Variants in SLIT2 observed in about 807,000 individuals in gnomAD.
SLIT2 encodes slit guidance ligand 2.
In SLIT2, 41 loss-of-function variants were observed where a neutral mutation model predicts 185.7. The ratio of observed to expected loss-of-function variants is 0.22; its 90% CI spans 0.17 to 0.29. The LOEUF is 0.29. Among genes scored for constraint, SLIT2 ranks in the 10% least tolerant of loss-of-function variants. The pLI, the probability that SLIT2 is intolerant of heterozygous loss-of-function variation, is 1.00. For synonymous variants in SLIT2, 693 were observed against 680.2 expected, an observed-to-expected ratio of 1.02 and a Z score of -0.29; for missense variants, 1,571 against 1,909.0, an observed-to-expected ratio of 0.82 and a Z score of 3.30.
At chr4:20,436,871 A>G (rs551164787) in intron 4 of SLIT2, among the ~76,000 whole-genome samples, 1 of 152,330 alleles carries the variant, frequency 6.6e-6, no homozygotes, top group Admixed American at 6.5e-5. Flanking sequence ...GTCATGATCA[A>G]TAATACTTAA....
intron 30 of SLIT2, among the ~76,000 whole-genome samples, chr4:20,594,590 G>A (rs181169988): frequency 2.0e-5 from 3 of 152,046 alleles, no homozygotes; most frequent in Admixed American, 2.0e-4. Flanking sequence ...GTCCCCTATA[G>A]GTCCACAGTG....
At chr4:20,523,423 T>G (rs1442751856) in intron 12 of SLIT2, among the ~76,000 whole-genome samples, 1 of 152,178 alleles carries the variant, frequency 6.6e-6, no homozygotes, top group Non-Finnish European at 1.5e-5. Flanking sequence ...AATGATGTCT[T>G]AGAGCATTTT....
chr4:20,554,133 G>A (rs900154656), intron 26 of SLIT2, among the ~76,000 whole-genome samples, 165 bp downstream of exon 26: 1 of 152,188 alleles, frequency 6.6e-6, no homozygotes, highest in Non-Finnish European at 1.5e-5. Flanking sequence ...AGGTGCCCAA[G>A]TAAAGAATTA....
intron 29 of SLIT2, among the ~76,000 whole-genome samples, chr4:20,580,907 A>G (rs1046223937): frequency 1.3e-5 from 2 of 152,174 alleles, no homozygotes; most frequent in African/African-American, 4.8e-5. Context: ...GACAAAGGAG[A>G]GGACAGCTAC....
At chr4:20,424,052 A>G (rs1453220802) in intron 4 of SLIT2, among the ~76,000 whole-genome samples, 2 of 152,156 alleles carry the variant, frequency 1.3e-5, no homozygotes, top group African/African-American at 4.8e-5. Context: ...TAGTAAATTA[A>G]ATGTGTAAAT....
intron 4 of SLIT2, among the ~76,000 whole-genome samples, chr4:20,383,406 G>A (rs926962848): frequency 2.0e-5 from 3 of 152,030 alleles, no homozygotes; most frequent in Non-Finnish European, 4.4e-5. Context: ...ATAAACCAGT[G>A]GGCAAAATAT....
At chr4:20,582,015 G>A (rs948848407) in intron 29 of SLIT2, among the ~76,000 whole-genome samples, 1 of 152,184 alleles carries the variant, frequency 6.6e-6, no homozygotes, top group Admixed American at 6.5e-5. Flanking sequence ...CCAAAGTGCT[G>A]GGATTACAGG....
intron 4 of SLIT2, among the ~76,000 whole-genome samples, chr4:20,316,840 C>G (rs543514506): frequency 6.9e-6 from 1 of 144,456 alleles, no homozygotes; most frequent in East Asian, 2.0e-4. Flanking sequence ...TTTTTAATCT[C>G]CAGGGATTCT....
intron 30 of SLIT2, among the ~76,000 whole-genome samples, chr4:20,591,668 A>G (rs568127310): frequency 1.4e-4 from 22 of 151,868 alleles, no homozygotes; most frequent in Non-Finnish European, 3.1e-4. Flanking sequence ...CTTCATATCA[A>G]TGATGCGCTC....
At chr4:20,287,038 A>T (rs1715334078) in intron 4 of SLIT2, among the ~76,000 whole-genome samples, 1 of 152,040 alleles carries the variant, frequency 6.6e-6, no homozygotes, top group Admixed American at 6.6e-5. Flanking sequence ...TTTTCCTGTA[A>T]ACTTACCCAG....
At chr4:20,368,219 C>CAAAAAAAAAAAAAAGACAAAAAAAAAA (rs1723273594) in intron 4 of SLIT2, among the ~76,000 whole-genome samples, 1 of 107,430 alleles carries the variant, frequency 9.3e-6, no homozygotes, top group Non-Finnish European at 1.9e-5. Flanking sequence ...CACAAAATAG[C>CAAAAAAAAAAAAAAGACAAAAAAAAAA]AAAAAAAAAA....
chr4:20,316,619 A>G (rs926809746), intron 4 of SLIT2, among the ~76,000 whole-genome samples: 4 of 151,470 alleles, frequency 2.6e-5, no homozygotes, highest in African/African-American at 9.7e-5. Flanking sequence ...AATCTCTGTG[A>G]AAGTATTGCC....
intron 33 of SLIT2, among the ~76,000 whole-genome samples, chr4:20,608,258 A>G (rs1728941497): frequency 6.6e-6 from 1 of 152,146 alleles, no homozygotes; most frequent in Non-Finnish European, 1.5e-5. Flanking sequence ...ATATATTAGT[A>G]ATAAAGTAAC....
intron 4 of SLIT2, among the ~76,000 whole-genome samples, chr4:20,441,157 G>A (rs78083097): frequency 0.013 from 1,925 of 152,130 alleles, 38 homozygotes; most frequent in Middle Eastern, 0.017. Context: ...CCAGGAACTC[G>A]TGAAAACATG....
intron 4 of SLIT2, among the ~76,000 whole-genome samples, chr4:20,363,325 T>C (rs899202914): frequency 6.6e-6 from 1 of 152,116 alleles, no homozygotes; most frequent in Non-Finnish European, 1.5e-5. Context: ...AAAAAAGATA[T>C]GTTCCATTAA....
intron 4 of SLIT2, among the ~76,000 whole-genome samples, chr4:20,293,852 C>A (rs1716210890): frequency 6.6e-6 from 1 of 152,044 alleles, no homozygotes; most frequent in South Asian, 2.1e-4. Flanking sequence ...GGGATGTGGG[C>A]TTCCTGTGTG....
At chr4:20,603,562 GCTT>G (rs1385452647) in intron 33 of SLIT2, among the ~76,000 whole-genome samples, 1 of 152,058 alleles carries the variant, frequency 6.6e-6, no homozygotes, top group East Asian at 1.9e-4. Context: ...AAAAATATAT[GCTT>G]CTTTTTTTAG....
intron 4 of SLIT2, among the ~76,000 whole-genome samples, chr4:20,344,466 G>T (rs983839259): frequency 2.0e-5 from 3 of 152,008 alleles, no homozygotes; most frequent in African/African-American, 7.2e-5. Flanking sequence ...CTTTCTGCCT[G>T]CATTGAAACA....
intron 4 of SLIT2, among the ~76,000 whole-genome samples, chr4:20,320,343 G>A (rs546341359): frequency 6.6e-6 from 1 of 152,146 alleles, no homozygotes; most frequent in East Asian, 1.9e-4. Flanking sequence ...AGGATCCTTG[G>A]TGTCATGGTG....
Sources: gnomAD v4.1 joint callset for allele counts (sites outside exome capture counted in the v4.1 genomes callset) on GRCh38, gnomAD v4.1.1 for gene constraint, MANE v1.5 for transcripts, NCBI Gene and HGNC (gene_info 2026-07-23, HGNC 2026-07-21) for gene names.